The following PDSS2 variants were observed in gnomAD, a reference collection of about 807,000 sequenced individuals.
PDSS2 encodes the protein all trans-polyprenyl-diphosphate synthase PDSS2.
A neutral mutation model predicts 44.5 loss-of-function variants in PDSS2; 31 were observed. That is an observed-to-expected ratio of 0.70 (90% confidence interval 0.52 to 0.94). The LOEUF (loss-of-function observed/expected upper bound fraction) is 0.94, where lower values mean the gene tolerates loss of function less well. Ranked by LOEUF, PDSS2 falls within the 40% of genes least tolerant of loss-of-function variation. PDSS2 has a pLI of 0.00. For synonymous variants in PDSS2, 157 were observed against 180.3 expected (o/e 0.87, Z 1.03); for missense variants, 452 against 482.2 (o/e 0.94, Z 0.59).
chr6:107,276,834 TAAGAAACC>T (rs962716944), intron 2 of PDSS2, among the ~76,000 whole-genome samples: 5 of 152,170 alleles, frequency 3.3e-5, no homozygotes, highest in African/African-American at 1.2e-4. Context: ...GACTACAAGT[TAAGAAACC>T]TAATCTAGCC....
intron 4 of PDSS2, among the ~76,000 whole-genome samples, chr6:107,226,673 T>TC: frequency 6.7e-6 from 1 of 150,300 alleles, no homozygotes; most frequent in East Asian, 2.0e-4. Flanking sequence ...TTGGAATTTT[T>TC]TTTTTTTTTT....
intron 1 of PDSS2, among the ~76,000 whole-genome samples, chr6:107,404,258 AG>A (rs1480889736): frequency 2.6e-5 from 4 of 152,216 alleles, no homozygotes; most frequent in Non-Finnish European, 5.9e-5. Flanking sequence ...TAGCACTATC[AG>A]CATTTTGGTC....
Position 107,199,345 on chromosome 6 carries a change from A to C in PDSS2, c.1009-5491T>G, listed in dbSNP as rs116500061. Among the ~76,000 whole-genome samples the C allele has an allele frequency of 4.6e-3, 701 of 152,326 alleles. 6 individuals carry two copies. The highest frequency in any genetic ancestry group is 0.016 in the African/African-American group (675 of 41,564). On this transcript the variant is annotated intron_variant, in intron 6 of 7. Transcript: ENST00000369037. ...CAGGGTCTTACTCTGTCTGTCACCC[A>C]GGCTGAGTGCAGTGCTGTAATCACA...
chr6:107,346,287 C>T (rs1778246211), intron 1 of PDSS2, among the ~76,000 whole-genome samples: 1 of 152,152 alleles, frequency 6.6e-6, no homozygotes, highest in South Asian at 2.1e-4. Context: ...CAGGAAGCTG[C>T]AGGGGCAACT....
At chr6:107,226,222 T>C (rs1390324316) in intron 4 of PDSS2, among the ~76,000 whole-genome samples, 3 of 152,056 alleles carry the variant, frequency 2.0e-5, no homozygotes, top group Non-Finnish European at 4.4e-5. Flanking sequence ...GGCAGGAGAA[T>C]AGCGTGAACC....
At chr6:107,349,547 G>A (rs966717286) in intron 1 of PDSS2, among the ~76,000 whole-genome samples, 3 of 152,058 alleles carry the variant, frequency 2.0e-5, no homozygotes, top group East Asian at 1.9e-4. Context: ...TCAGGAGTTC[G>A]AGATCAGCCT....
chr6:107,176,347 T>C (rs377146194), intron 7 of PDSS2, among the ~76,000 whole-genome samples: 2 of 151,874 alleles, frequency 1.3e-5, no homozygotes, highest in East Asian at 1.9e-4. Flanking sequence ...GGCCAAAACA[T>C]GTCTATTTTT....
chr6:107,172,009 C>T (rs1396175376), intron 7 of PDSS2, among the ~76,000 whole-genome samples: 1 of 152,100 alleles, frequency 6.6e-6, no homozygotes, highest in Non-Finnish European at 1.5e-5. Context: ...TGATATAGCA[C>T]TTTAGGGCAC....
chr6:107,356,467 A>C (rs1033574357), intron 1 of PDSS2, among the ~76,000 whole-genome samples: 44 of 152,222 alleles, frequency 2.9e-4, no homozygotes, highest in Admixed American at 7.9e-4. Context: ...TAAGGAAAAC[A>C]CCTTCCACCT....
intron 6 of PDSS2, among the ~76,000 whole-genome samples, chr6:107,198,533 A>G (rs1772646276): frequency 6.6e-6 from 1 of 152,216 alleles, no homozygotes; most frequent in Non-Finnish European, 1.5e-5. Context: ...GTAAATATTT[A>G]AACTTCTATA....
intron 4 of PDSS2, among the ~76,000 whole-genome samples, chr6:107,225,047 C>A (rs1330866329): frequency 6.8e-6 from 1 of 146,106 alleles, no homozygotes; most frequent in African/African-American, 2.7e-5. Flanking sequence ...CACTCACGTG[C>A]CATGGCAGCT....
At chr6:107,181,732 A>AG (rs1771991413) in intron 7 of PDSS2, among the ~76,000 whole-genome samples, 1 of 151,204 alleles carries the variant, frequency 6.6e-6, no homozygotes, top group South Asian at 2.1e-4. Context: ...TCTACTAAAA[A>AG]TACAAAAATT....
Position 107,179,605 on chromosome 6 carries a change from C to T in PDSS2, c.1041+14217G>A, listed in dbSNP as rs576693795. ...TCATCAAGCCAGAATGTCAAGGACT[C>T]GGGGGAAAAGGACAGAATCTACTCA... On this transcript the variant is annotated intron_variant, in intron 7 of 7. Coordinates refer to ENST00000369037, the MANE Select transcript of PDSS2 (RefSeq NM_020381.4). Among the ~76,000 whole-genome samples, 4 of 152,096 alleles carry T rather than the reference C, an allele frequency of 2.6e-5. No individual in the cohort carries two copies. In the South Asian group the frequency reaches 6.2e-4, roughly 24 times the overall value.
At chr6:107,263,219 G>A (rs1176158784) in intron 3 of PDSS2, among the ~76,000 whole-genome samples, 1 of 151,904 alleles carries the variant, frequency 6.6e-6, no homozygotes. Context: ...TTGGGAGGCC[G>A]AGGTGGGTAA....
Position 107,457,219 on chromosome 6 carries a change from T to A in PDSS2, c.296+1771A>T, listed in dbSNP as rs78797022. 4.3e-3 allele frequency among the ~76,000 whole-genome samples: 655 copies of A among 152,224 alleles called. 4 individuals are homozygous for A. Among genetic ancestry groups the A allele is most frequent in the African/African-American group, 0.015 (611 of 41,532 alleles). The stretch of plus-strand genomic sequence containing the variant: ...AGTGAGTGTGGCTAAAAAAGCAACA[T>A]GAGGAATCCTTATAGTGCTGAATAT... On this transcript the variant is annotated intron_variant, in intron 1 of 7. Coordinates refer to ENST00000369037, the MANE Select transcript of PDSS2 (RefSeq NM_020381.4).
In PDSS2 at chr6:107,299,012, A is replaced by G. The variant is rs113480603; in HGVS notation, c.432-24785T>C. Among the ~76,000 whole-genome samples, 843 of 152,082 alleles carry G rather than the reference A, an allele frequency of 5.5e-3. 6 individuals carry two copies. Among genetic ancestry groups the G allele is most frequent in the African/African-American group, 0.02 (825 of 41,484 alleles). ...CAAAAATTAGCTGGTGTGATGGCAC[A>G]GGCCGGTAGTCCCAGCTATTAATAC... On this transcript the variant is annotated intron_variant, in intron 2 of 7. Transcript: ENST00000369037.
chr6:107,425,727 C>A (rs184462955), intron 1 of PDSS2, among the ~76,000 whole-genome samples: 1 of 152,006 alleles, frequency 6.6e-6, no homozygotes, highest in Non-Finnish European at 1.5e-5. Flanking sequence ...TTTGGGAGGC[C>A]GAGGTGGGTG....
chr6:107,282,487 G>T (rs543116747), intron 2 of PDSS2, among the ~76,000 whole-genome samples: 2 of 152,100 alleles, frequency 1.3e-5, no homozygotes, highest in East Asian at 3.9e-4. Flanking sequence ...CAAATTCCTG[G>T]GCTCAAGTGA....
intron 1 of PDSS2, among the ~76,000 whole-genome samples, chr6:107,396,251 T>C (rs1033077336): frequency 6.6e-6 from 1 of 152,180 alleles, no homozygotes; most frequent in Non-Finnish European, 1.5e-5. Flanking sequence ...CTGTCTGTTA[T>C]ATCACCTTGC....
Sources: gnomAD v4.1 joint callset for allele counts (sites outside exome capture counted in the v4.1 genomes callset) on GRCh38, gnomAD v4.1.1 for gene constraint, MANE v1.5 for transcripts, NCBI Gene and HGNC (gene_info 2026-07-23, HGNC 2026-07-21) for gene names.